Variants in CNNM3 observed in about 807,000 individuals in gnomAD.
CNNM3 encodes the protein cyclin and CBS domain divalent metal cation transport mediator 3, also known as metal transporter CNNM3.
A neutral mutation model predicts 57.1 loss-of-function variants in CNNM3; 47 were observed. The observed-to-expected ratio is 0.82, with a 90% CI of 0.65 to 1.05. The LOEUF (loss-of-function observed/expected upper bound fraction) is 1.05, where lower values mean the gene tolerates loss of function less well. Among genes scored for constraint, CNNM3 ranks in the 50% least tolerant of loss-of-function variants. The pLI is 0.00. For missense variants in CNNM3, 957 were observed against 973.7 expected (o/e 0.98, Z 0.23); for synonymous variants, 507 against 478.2 (o/e 1.06, Z -0.79).
Position 96,817,459 on chromosome 2 carries a change from C to T in CNNM3, c.1182C>T (p.Phe394=). The T allele has an allele frequency of 6.2e-7, 1 of 1,613,994 alleles. No homozygotes were observed. Among genetic ancestry groups the T allele is most frequent in the Non-Finnish European group, 8.5e-7 (1 of 1,179,956 alleles). Residue 394 remains phenylalanine (F), a synonymous_variant, in exon 1 of 8, where the codon TTC becomes TTT. Transcript: ENST00000305510. ...RFYNHPLHFV[F]NDTKLDAVLE... ...ACAACCATCCGCTCCACTTCGTCTT[C>T]AACGACACCAAGCTGGACGCTGTCC... is the stretch of plus-strand genomic sequence containing the variant.
intron 6 of CNNM3, 73 bp from the exon 7 acceptor site, chr2:96,828,922 CG>C: frequency 6.3e-7 from 1 of 1,587,518 alleles, no homozygotes; most frequent in South Asian, 1.1e-5. Context: ...TCTTCGGGCA[CG>C]GTGTCACCTT....
downstream of CNNM3, chr2:96,837,021 C>G (rs1477669576): frequency 1.3e-5 from 2 of 152,174 alleles, no homozygotes; most frequent in Non-Finnish European, 2.9e-5. Context: ...TTAAAGTCAG[C>G]TGGGCATATT....
At chr2:96,824,037 T>C (rs553002060) in intron 1 of CNNM3, among the ~76,000 whole-genome samples, 1 of 152,378 alleles carries the variant, frequency 6.6e-6, no homozygotes. Context: ...ATTATTAAAC[T>C]TAATTTTATG....
At chr2:96,819,501 C>T (rs923972295) in intron 1 of CNNM3, among the ~76,000 whole-genome samples, 32 of 152,156 alleles carry the variant, frequency 2.1e-4, no homozygotes, top group African/African-American at 7.2e-4. Flanking sequence ...GTTCTTACTC[C>T]GGGACAGGCT....
chr2:96,832,506 A>G (rs1452440832), intron 7 of CNNM3, 46 bp from the exon 8 acceptor site: 1 of 1,613,038 alleles, frequency 6.2e-7, no homozygotes. Flanking sequence ...TTGACAGGAT[A>G]CTTTACCAGC....
At chr2:96,827,937 T>C in intron 4 of CNNM3, 37 bp downstream of exon 4, 5 of 1,600,658 alleles carry the variant, frequency 3.1e-6, no homozygotes, top group Non-Finnish European at 4.3e-6. Context: ...CCCTCCTGCT[T>C]CCTCAGGCCA....
At chr2:96,828,783 C>A in intron 6 of CNNM3, 83 bp downstream of exon 6, 1 of 1,566,128 alleles carries the variant, frequency 6.4e-7, no homozygotes, top group Non-Finnish European at 8.7e-7. Flanking sequence ...TGAGACTGCC[C>A]GGAACAAGGC....
At chr2:96,830,867 A>G (rs2079590410) in intron 7 of CNNM3, among the ~76,000 whole-genome samples, 1 of 152,060 alleles carries the variant, frequency 6.6e-6, no homozygotes, top group Non-Finnish European at 1.5e-5. Flanking sequence ...ATGGTTTCTT[A>G]TTGTATGGGG....
At chr2:96,836,941 T>TAGCTGGTCC (rs2079698025), downstream of CNNM3, 1 of 152,244 alleles carries the variant, frequency 6.6e-6, no homozygotes, top group East Asian at 1.9e-4. Context: ...TTTAATCCTA[T>TAGCTGGTCC]AGCTGGTCCA....
intron 1 of CNNM3, 59 bp downstream of exon 1, chr2:96,817,561 G>A: frequency 4.0e-6 from 6 of 1,518,958 alleles, no homozygotes; most frequent in Non-Finnish European, 5.4e-6. Context: ...CCTGAAAAGG[G>A]GTGGAGAGTT....
Position 96,834,332 on chromosome 2 carries a change from T to A in CNNM3, c.*1716T>A, listed in dbSNP as rs1559017735. ...CAGAGTTTTCAATTTTTTATTTATTTATTATTATTATTATTATTATTATTA... is the reference window on the plus strand; with the variant it reads ...CAGAGTTTTCAATTTTTTATTTATTAATTATTATTATTATTATTATTATTA... On this transcript the variant is annotated 3_prime_UTR_variant, in exon 8 of 8. Transcript: ENST00000305510. Among the ~76,000 whole-genome samples, 1 of 124,278 alleles carries A rather than the reference T, an allele frequency of 8.0e-6. No individual in the cohort carries two copies. The highest frequency in any genetic ancestry group is 5.2e-5 in the African/African-American group (1 of 19,302). The allele number at this position is 124,278 out of a possible 152,430, so 81.5% of individuals were successfully genotyped here.
intron 6 of CNNM3, 44 bp downstream of exon 6, chr2:96,828,744 T>C (rs1156351525): frequency 6.2e-7 from 1 of 1,611,588 alleles, no homozygotes; most frequent in South Asian, 1.1e-5. Context: ...TAGCCGACTT[T>C]GTGTCACCGG....
intron 1 of CNNM3, among the ~76,000 whole-genome samples, chr2:96,824,121 A>G (rs990092217): frequency 4.4e-4 from 67 of 152,248 alleles, no homozygotes; most frequent in African/African-American, 1.5e-3. Flanking sequence ...TGTTTTTTTC[A>G]GACGGGTCTA....
chr2:96,821,441 G>A (rs755183035), intron 1 of CNNM3, among the ~76,000 whole-genome samples: 4 of 152,062 alleles, frequency 2.6e-5, no homozygotes, highest in African/African-American at 7.2e-5. Flanking sequence ...CTTTCATTCC[G>A]GGTCTTGTTT....
At chr2:96,825,326 C>A in intron 2 of CNNM3, 125 bp downstream of exon 2, 1 of 1,187,632 alleles carries the variant, frequency 8.4e-7, no homozygotes, top group Non-Finnish European at 1.2e-6. Context: ...GCCAGGCCCC[C>A]TTCTGAGCCC....
intron 1 of CNNM3, among the ~76,000 whole-genome samples, chr2:96,820,494 G>A (rs1335438392): frequency 1.3e-5 from 2 of 152,188 alleles, no homozygotes; most frequent in Non-Finnish European, 2.9e-5. Context: ...CCTCCTAGGA[G>A]CACAGGTGTG....
chr2:96,832,316 C>T (rs2079616973), intron 7 of CNNM3: 1 of 985,370 alleles, frequency 1.0e-6, no homozygotes, highest in East Asian at 1.1e-4. Flanking sequence ...GCATAATGAC[C>T]TGGGACCCTC....
rs374358338 is a variant in CNNM3 at position 96,817,222 on chromosome 2, G to A, written c.945G>A (p.Glu315=). The A allele has an allele frequency of 2.1e-5, 33 of 1,601,796 alleles. No individual in the cohort carries two copies. The highest frequency in any genetic ancestry group is 2.7e-5 in the Non-Finnish European group (32 of 1,176,138). The part of the protein sequence containing the change: ...SKGVLRCRTV[E]DVLTPLEDCF... ...GCGTGCTGCGCTGCCGGACCGTGGA[G>A]GACGTGCTCACGCCCCTCGAAGACT... Residue 315 remains glutamate (E), a synonymous_variant, in exon 1 of 8, where the codon GAG becomes GAA. Transcript: ENST00000305510.
intron 1 of CNNM3, among the ~76,000 whole-genome samples, chr2:96,818,961 G>C (rs1295057888): frequency 1.3e-5 from 2 of 152,194 alleles, no homozygotes; most frequent in Non-Finnish European, 1.5e-5. Flanking sequence ...GATAATGACC[G>C]CTACTCCTGA....
Sources: gnomAD v4.1 joint callset for allele counts (sites outside exome capture counted in the v4.1 genomes callset) on GRCh38, gnomAD v4.1.1 for gene constraint, MANE v1.5 for transcripts, NCBI Gene and HGNC (gene_info 2026-07-23, HGNC 2026-07-21) for gene names.